The following ZNF445 variants were observed in gnomAD, a reference collection of about 807,000 sequenced individuals.
ZNF445 encodes the protein zinc finger protein 168.
In ZNF445, 19 loss-of-function variants were observed where a neutral mutation model predicts 93.9. That is an observed-to-expected ratio of 0.20 (90% CI 0.14 to 0.30). The LOEUF (loss-of-function observed/expected upper bound fraction) is 0.30. Ranked by LOEUF, ZNF445 falls within the 10% of genes least tolerant of loss-of-function variation. ZNF445 has a pLI of 1.00. For missense variants in ZNF445, 1,058 were observed against 1,259.4 expected (o/e 0.84, Z 2.42); for synonymous variants, 449 against 446.3 (o/e 1.01, Z -0.08).
At position 44,436,875 on chromosome 3, in the gene ZNF445, C is replaced by T. The variant is rs1697691412; in HGVS notation, c.*9700G>A. 6.6e-6 allele frequency: 1 copy of T among 152,224 alleles called. No homozygotes were observed. The highest frequency in any genetic ancestry group is 1.5e-5 in the Non-Finnish European group (1 of 68,046). The allele number at this position is 152,224 out of a possible 1,614,324, so 9.4% of individuals were successfully genotyped here. A position where few individuals can be genotyped will look rare whatever the true frequency, so the allele number is the denominator to read the frequency against. The stretch of plus-strand genomic sequence containing the variant: ...TATCGAATAATTCAGCTTGATCTGA[C>T]TTTATATTCCTTCCACGATGATCCT... On this transcript the variant is annotated 3_prime_UTR_variant, in exon 8 of 8. Transcript: ENST00000396077.
intron 1 of ZNF445, among the ~76,000 whole-genome samples, chr3:44,462,248 A>G (rs936754078): frequency 6.6e-6 from 1 of 152,206 alleles, no homozygotes; most frequent in Non-Finnish European, 1.5e-5. Flanking sequence ...TCCGAAACCA[A>G]TATTGTATGA....
At chr3:44,473,453 TCACACA>T (rs377305681) in intron 1 of ZNF445, among the ~76,000 whole-genome samples, 99 of 60,852 alleles carry the variant, frequency 1.6e-3, no homozygotes, top group African/African-American at 5.5e-3. Context: ...AAACTCCACT[TCACACA>T]CACACACACA....
chr3:44,466,732 A>C (rs946546348), intron 1 of ZNF445, among the ~76,000 whole-genome samples: 1 of 152,152 alleles, frequency 6.6e-6, no homozygotes. Flanking sequence ...TGATTAATTA[A>C]CTCTGGAGAT....
rs200448761 is a variant in ZNF445 at position 44,448,331 on chromosome 3, T to A, written c.1340A>T (p.His447Leu). The A allele has an allele frequency of 6.8e-6, 11 of 1,614,254 alleles. No individual in the cohort carries two copies. The highest frequency in any genetic ancestry group is 9.3e-6 in the Non-Finnish European group (11 of 1,180,052). The stretch of plus-strand genomic sequence containing the variant: ...TTTCAGTCCACTATGAATTCTCTGA[T>A]GTAGGCTGAAGCCCCCAATCATGTG... ...LRHMIGGFSL[H>L]QRIHSGLKGN... Residue 447 changes from histidine to leucine, a missense_variant, in exon 8 of 8, where the codon CAT becomes CTT. Coordinates refer to ENST00000396077, the MANE Select transcript of ZNF445 (RefSeq NM_181489.6).
intron 1 of ZNF445, among the ~76,000 whole-genome samples, chr3:44,460,737 G>A (rs537901144): frequency 2.0e-5 from 3 of 152,288 alleles, no homozygotes; most frequent in African/African-American, 7.2e-5. Context: ...ATACAACTCT[G>A]GTCTCCCGCA....
rs1697843423 is a variant in ZNF445 at position 44,443,875 on chromosome 3, A to C, written c.*2700T>G. Reference sequence around the variant, plus strand: ...AATGACAGGTCAGGCACAGTGGCTCACGCCTGTAATCCCAGCACTTTGGGA... The same window carrying C: ...AATGACAGGTCAGGCACAGTGGCTCCCGCCTGTAATCCCAGCACTTTGGGA... On this transcript the variant is annotated 3_prime_UTR_variant, in exon 8 of 8. Coordinates refer to ENST00000396077, the MANE Select transcript of ZNF445 (RefSeq NM_181489.6). 1 of 152,164 alleles carries C rather than the reference A, an allele frequency of 6.6e-6. No individual in the cohort carries two copies. The highest frequency in any genetic ancestry group is 1.5e-5 in the Non-Finnish European group (1 of 68,024). The allele number at this position is 152,164 out of a possible 1,614,324, so 9.4% of individuals were successfully genotyped here. A position where few individuals can be genotyped will look rare whatever the true frequency, so the allele number is the denominator to read the frequency against.
Position 44,434,335 on chromosome 3 carries a change from C to T in ZNF445, c.*12240G>A, listed in dbSNP as rs898068025. On this transcript the variant is annotated 3_prime_UTR_variant, in exon 8 of 8. Coordinates refer to ENST00000396077, the MANE Select transcript of ZNF445 (RefSeq NM_181489.6). ...CTGAGGAAGCAGCTTCACTTGTACCCAGGAGGTGCAGGTTGCAGTGAGCCA... is the reference window on the plus strand; with the variant it reads ...CTGAGGAAGCAGCTTCACTTGTACCTAGGAGGTGCAGGTTGCAGTGAGCCA... 6.6e-6 allele frequency: 1 copy of T among 151,764 alleles called. No individual in the cohort carries two copies. Among genetic ancestry groups the T allele is most frequent in the Non-Finnish European group, 1.5e-5 (1 of 67,990 alleles). 9.4% of individuals were successfully genotyped at this position (151,764 alleles called of 1,614,324 possible).
At chr3:44,456,995 G>A (rs149137289) in intron 2 of ZNF445, among the ~76,000 whole-genome samples, 185 of 152,286 alleles carry the variant, frequency 1.2e-3, no homozygotes, top group African/African-American at 4.4e-3. Context: ...TGGGCATGGT[G>A]GCATGTGCCT....
In ZNF445 at chr3:44,445,455, T is replaced by C. The variant is rs965619479; in HGVS notation, c.*1120A>G. The C allele has an allele frequency of 6.6e-6, 1 of 152,318 alleles. No individual in the cohort carries two copies. The highest frequency in any genetic ancestry group is 2.4e-5 in the African/African-American group (1 of 41,452). The allele number at this position is 152,318 out of a possible 1,614,324, so 9.4% of individuals were successfully genotyped here. ...TCTGAGCCAGCTCAAGCCCCCGTAATGACCCATGATGCTCATATGGCCGGG... is the reference window on the plus strand; with the variant it reads ...TCTGAGCCAGCTCAAGCCCCCGTAACGACCCATGATGCTCATATGGCCGGG... On this transcript the variant is annotated 3_prime_UTR_variant, in exon 8 of 8. Coordinates refer to ENST00000396077, the MANE Select transcript of ZNF445 (RefSeq NM_181489.6).
rs760237009 is a variant in ZNF445 at position 44,446,288 on chromosome 3, G to C, written c.*287C>G. 4 of 423,518 alleles carry C rather than the reference G, an allele frequency of 9.4e-6. No homozygotes were observed. The highest frequency in any genetic ancestry group is 1.7e-5 in the Non-Finnish European group (4 of 234,598). The allele number at this position is 423,518 out of a possible 1,614,324, so 26.2% of individuals were successfully genotyped here. A position where few individuals can be genotyped will look rare whatever the true frequency, so the allele number is the denominator to read the frequency against. ...AGTGGTCTCTCTCTTCAGAGTTGTG[G>C]AAGGAGACCTGAATAGGGGAGCCGC... On this transcript the variant is annotated 3_prime_UTR_variant, in exon 8 of 8. Transcript: ENST00000396077. This position sits in a 1 kb window ranked among gnomAD's most constrained non-coding sequence, Gnocchi z 4.2.
intron 2 of ZNF445, among the ~76,000 whole-genome samples, chr3:44,457,598 A>G (rs1329415880): frequency 1.3e-5 from 2 of 152,202 alleles, no homozygotes; most frequent in Non-Finnish European, 2.9e-5. Flanking sequence ...AAAGCAGTTC[A>G]AAAGAGGAAG....
rs1347031652 is a variant in ZNF445, at chr3:44,436,892, G to A, written c.*9683C>T. The A allele has an allele frequency of 6.6e-6, 1 of 152,110 alleles. No homozygotes were observed. Among genetic ancestry groups the A allele is most frequent in the Non-Finnish European group, 1.5e-5 (1 of 68,042 alleles). The allele number at this position is 152,110 out of a possible 1,614,324, so 9.4% of individuals were successfully genotyped here. On this transcript the variant is annotated 3_prime_UTR_variant, in exon 8 of 8. Transcript: ENST00000396077. Reference sequence around the variant, plus strand: ...TGATCTGACTTTATATTCCTTCCACGATGATCCTGCACCCTTGTTACCGCA... The same window carrying A: ...TGATCTGACTTTATATTCCTTCCACAATGATCCTGCACCCTTGTTACCGCA...
intron 6 of ZNF445, 74 bp from the exon 7 acceptor site, chr3:44,449,697 G>C: frequency 2.3e-6 from 3 of 1,280,180 alleles, no homozygotes; most frequent in Non-Finnish European, 3.4e-6. Flanking sequence ...CTCTGGGCCT[G>C]AAGTCCTGGT....
rs1236662480 is a variant in ZNF445, at chr3:44,434,770, G to A, written c.*11805C>T. On this transcript the variant is annotated 3_prime_UTR_variant, in exon 8 of 8. Transcript: ENST00000396077. ...CCAGATGGGTAACTGGGCAGCCAAG[G>A]GGATAATCGGATCGGGTGTGCCACA... The A allele has an allele frequency of 6.6e-6, 1 of 152,170 alleles. No homozygotes were observed. Among genetic ancestry groups the A allele is most frequent in the Non-Finnish European group, 1.5e-5 (1 of 68,038 alleles). The allele number at this position is 152,170 out of a possible 1,614,324, so 9.4% of individuals were successfully genotyped here. A position where few individuals can be genotyped will look rare whatever the true frequency, so the allele number is the denominator to read the frequency against.
chr3:44,456,765 T>A (rs1413779157), intron 2 of ZNF445, among the ~76,000 whole-genome samples: 1 of 152,254 alleles, frequency 6.6e-6, no homozygotes, highest in Non-Finnish European at 1.5e-5. Flanking sequence ...AACAATGGGT[T>A]ACAAATTATA....
chr3:44,450,839 C>G lies in ZNF445; in HGVS notation c.693+29G>C, dbSNP rs190161991. The G allele has an allele frequency of 2.2e-5, 34 of 1,516,350 alleles. No individual in the cohort carries two copies. The African/African-American group carries it at 4.6e-4, about 20-fold the overall frequency. The allele number at this position is 1,516,350 out of a possible 1,614,324, so 93.9% of individuals were successfully genotyped here. A position where few individuals can be genotyped will look rare whatever the true frequency, so the allele number is the denominator to read the frequency against. On this transcript the variant is annotated intron_variant, in intron 5 of 7. Transcript: ENST00000396077. ...CCATTAGGCAGCGACGTGGGGACATCAGGAAGGACCAAATGTTCTGTGGCT... is the reference window on the plus strand; with the variant it reads ...CCATTAGGCAGCGACGTGGGGACATGAGGAAGGACCAAATGTTCTGTGGCT...
intron 6 of ZNF445, 170 bp downstream of exon 6, chr3:44,450,277 A>C (rs1046954264): frequency 5.3e-6 from 4 of 751,488 alleles, no homozygotes; most frequent in Admixed American, 2.5e-5. Context: ...GGCAGGCATT[A>C]TTCTCCCCAT....
chr3:44,461,250 G>A lies in ZNF445; in HGVS notation c.-268-2886C>T, dbSNP rs543932406. On this transcript the variant is annotated intron_variant, in intron 1 of 7. Coordinates refer to ENST00000396077, the MANE Select transcript of ZNF445 (RefSeq NM_181489.6). Reference sequence around the variant, plus strand: ...GCTCTACCATGGGGTGTCTGTGTCTGTAGCACCACTGCTGGGTGTCTGTTT... The same window carrying A: ...GCTCTACCATGGGGTGTCTGTGTCTATAGCACCACTGCTGGGTGTCTGTTT... Among the ~76,000 whole-genome samples, 7 of 152,288 alleles carry A rather than the reference G, an allele frequency of 4.6e-5. No individual in the cohort carries two copies. In the South Asian group the frequency reaches 1.4e-3, roughly 32 times the overall value.
rs183804844 is a variant in ZNF445 at position 44,450,939 on chromosome 3, C to A, written c.622G>T (p.Ala208Ser). The A allele has an allele frequency of 3.1e-6, 5 of 1,599,054 alleles. No individual in the cohort carries two copies. The highest frequency in any genetic ancestry group is 1.1e-5 in the South Asian group (1 of 88,194). Residue 208 changes from alanine to serine, a missense_variant, in exon 5 of 8, where the codon GCC becomes TCC. Coordinates refer to ENST00000396077, the MANE Select transcript of ZNF445 (RefSeq NM_181489.6). ...GGGCACCCCTCTCTCGGGAAAAGGG[C>A]AGGCATCTGGGCAGCAGGAGTATCT... Reference protein sequence around the residue: ...QSDTPAAQMPALFPREGCPGD... With the variant: ...QSDTPAAQMPSLFPREGCPGD...
Sources: allele counts gnomAD v4.1 joint callset (sites outside exome capture counted in the v4.1 genomes callset), GRCh38; gene constraint gnomAD v4.1.1; non-coding constraint Gnocchi (gnomAD v3.1); transcripts MANE v1.5; gene names NCBI Gene and HGNC (gene_info 2026-07-23, HGNC 2026-07-21).